PPP1R12B: variants seen among roughly 807,000 people sequenced by gnomAD.
PPP1R12B encodes protein phosphatase 1 regulatory subunit 12B, also known as myosin phosphatase target subunit 2.
A neutral mutation model predicts 126.1 loss-of-function variants in PPP1R12B; 76 were observed. The observed-to-expected ratio is 0.60, with a 90% CI of 0.50 to 0.73. The LOEUF is 0.73. Among genes scored for constraint, PPP1R12B ranks in the 30% least tolerant of loss-of-function variants. The pLI is 0.00. For missense variants in PPP1R12B, 1,052 were observed against 1,205.1 expected (o/e 0.87, Z 1.88); for synonymous variants, 356 against 434.7 (o/e 0.82, Z 2.25).
chr1:202,466,320 A>T lies in PPP1R12B; in HGVS notation c.1850+17149A>T, dbSNP rs185495264. ...AAATTCCTTAGTCACTTCATCTTTT[A>T]CCTTGAATCCTGGCAGTAATTTATA... On this transcript the variant is annotated intron_variant, in intron 13 of 23. Coordinates refer to ENST00000608999, the MANE Select transcript of PPP1R12B (RefSeq NM_002481.4). 4.3e-3 allele frequency among the ~76,000 whole-genome samples: 649 copies of T among 151,902 alleles called. 3 individuals are homozygous for T. Among genetic ancestry groups the T allele is most frequent in the African/African-American group, 0.015 (621 of 41,400 alleles).
chr1:202,443,532 G>A (rs538390325), intron 12 of PPP1R12B, among the ~76,000 whole-genome samples: 94 of 152,316 alleles, frequency 6.2e-4, no homozygotes, highest in African/African-American at 2.1e-3. Context: ...GCCTTTTAAT[G>A]TTCTTCAGTT....
At chr1:202,367,132 A>C (rs935946363) in intron 1 of PPP1R12B, among the ~76,000 whole-genome samples, 7 of 152,236 alleles carry the variant, frequency 4.6e-5, no homozygotes, top group Non-Finnish European at 8.8e-5. Context: ...TTTACATTAC[A>C]CTACTTATAA....
intron 18 of PPP1R12B, among the ~76,000 whole-genome samples, chr1:202,527,718 C>T (rs1683494588): frequency 6.6e-6 from 1 of 152,044 alleles, no homozygotes; most frequent in Admixed American, 6.6e-5. Flanking sequence ...AACACCAAGC[C>T]TAGAGTAATT....
intron 10 of PPP1R12B, 68 bp downstream of exon 10, chr1:202,438,092 G>A: frequency 1.2e-6 from 2 of 1,602,146 alleles, no homozygotes; most frequent in South Asian, 2.3e-5. Flanking sequence ...TCAATCTTAG[G>A]AACAAATGAA....
intron 18 of PPP1R12B, among the ~76,000 whole-genome samples, chr1:202,528,735 G>A (rs80325044): frequency 0.017 from 2,594 of 149,694 alleles, 39 homozygotes; most frequent in Non-Finnish European, 0.026. Flanking sequence ...TTTTTTTTTT[G>A]TTTTTGTTTT....
At chr1:202,568,092 C>A (rs188320820) in intron 22 of PPP1R12B, among the ~76,000 whole-genome samples, 8 of 152,158 alleles carry the variant, frequency 5.3e-5, no homozygotes, top group Admixed American at 5.2e-4. Flanking sequence ...AAGGTCATCT[C>A]GTACATTGTT....
chr1:202,438,888 C>G, intron 10 of PPP1R12B: 2 of 1,439,022 alleles, frequency 1.4e-6, no homozygotes, highest in Non-Finnish European at 1.9e-6. Flanking sequence ...GGGCAGGAGC[C>G]CATACATCCA....
chr1:202,373,773 G>T (rs1453983894), intron 1 of PPP1R12B, among the ~76,000 whole-genome samples: 1 of 151,380 alleles, frequency 6.6e-6, no homozygotes, highest in East Asian at 1.9e-4. Flanking sequence ...AGTTTATGAA[G>T]GTTTAAAAAA....
At chr1:202,493,403 T>C in intron 15 of PPP1R12B, 86 bp downstream of exon 15, 4 of 1,388,850 alleles carry the variant, frequency 2.9e-6, no homozygotes, top group Non-Finnish European at 2.9e-6. Context: ...GTTCAAAGGC[T>C]GTGTTCTACC....
At chr1:202,445,080 C>G in intron 12 of PPP1R12B, 1 of 1,247,284 alleles carries the variant, frequency 8.0e-7, no homozygotes, top group East Asian at 3.2e-5. Context: ...CCCCACAAGT[C>G]CCTACATTTC....
At chr1:202,429,495 AT>A (rs1369542726) in intron 6 of PPP1R12B, among the ~76,000 whole-genome samples, 1 of 152,118 alleles carries the variant, frequency 6.6e-6, no homozygotes, top group East Asian at 1.9e-4. Flanking sequence ...TGAATCTTTT[AT>A]TGTTTGGTCA....
intron 13 of PPP1R12B, chr1:202,462,796 G>T: frequency 1.0e-6 from 1 of 985,388 alleles, no homozygotes; most frequent in African/African-American, 1.7e-5. Flanking sequence ...AGGACAGTCA[G>T]AGGAGTGGCC....
intron 1 of PPP1R12B, among the ~76,000 whole-genome samples, chr1:202,382,058 T>C (rs1251847552): frequency 1.3e-5 from 2 of 151,784 alleles, no homozygotes; most frequent in Non-Finnish European, 2.9e-5. Flanking sequence ...ATTAAGAAAA[T>C]GTGGCACATA....
chr1:202,485,690 T>C (rs1678019717), intron 13 of PPP1R12B, among the ~76,000 whole-genome samples: 1 of 152,122 alleles, frequency 6.6e-6, no homozygotes, highest in African/African-American at 2.4e-5. Flanking sequence ...TGCCCTGGAC[T>C]TTTGTCTTCC....
At chr1:202,361,118 C>T (rs1253027193) in intron 1 of PPP1R12B, among the ~76,000 whole-genome samples, 1 of 152,124 alleles carries the variant, frequency 6.6e-6, no homozygotes, top group Non-Finnish European at 1.5e-5. Context: ...TGGTCTCGAT[C>T]TCCTGACCTT....
intron 13 of PPP1R12B, among the ~76,000 whole-genome samples, chr1:202,464,356 T>C: frequency 6.6e-6 from 1 of 152,212 alleles, no homozygotes; most frequent in Non-Finnish European, 1.5e-5. Flanking sequence ...AGTGATCTTC[T>C]ATGCCCATAA....
intron 1 of PPP1R12B, among the ~76,000 whole-genome samples, chr1:202,386,485 CT>C (rs1013494261): frequency 1.3e-5 from 2 of 152,138 alleles, no homozygotes; most frequent in African/African-American, 4.8e-5. Context: ...GTGCCCGCCA[CT>C]GTGCCCAGCT....
chr1:202,367,515 A>G (rs921247439), intron 1 of PPP1R12B, among the ~76,000 whole-genome samples: 1 of 152,150 alleles, frequency 6.6e-6, no homozygotes, highest in Non-Finnish European at 1.5e-5. Context: ...TTCCAGTCAC[A>G]TTAGTGTCCT....
chr1:202,415,988 G>T (rs1369655838), intron 1 of PPP1R12B, among the ~76,000 whole-genome samples: 1 of 151,932 alleles, frequency 6.6e-6, no homozygotes, highest in Non-Finnish European at 1.5e-5. Context: ...TAGAGACAGG[G>T]TCTCACTATG....
Sources: gnomAD v4.1 joint callset for allele counts (sites outside exome capture counted in the v4.1 genomes callset) on GRCh38, gnomAD v4.1.1 for gene constraint, MANE v1.5 for transcripts, NCBI Gene and HGNC (gene_info 2026-07-23, HGNC 2026-07-21) for gene names.